ERC1: variants seen among roughly 807,000 people sequenced by gnomAD.
ERC1 encodes the protein RAB6 interacting protein 2.
In ERC1, 56 loss-of-function variants were observed where a neutral mutation model predicts 132.0. The observed-to-expected ratio is 0.42, with a 90% CI of 0.34 to 0.53. The LOEUF is 0.53. Among genes scored for constraint, ERC1 ranks in the 20% least tolerant of loss-of-function variants. ERC1 has a pLI of 0.03. For synonymous variants in ERC1, 478 were observed against 476.1 expected, an observed-to-expected ratio of 1.00 and a Z score of -0.05; for missense variants, 1,202 against 1,349.9, an observed-to-expected ratio of 0.89 and a Z score of 1.72.
At chr12:1,256,653 T>G (rs2076839307) in intron 13 of ERC1, among the ~76,000 whole-genome samples, 1 of 150,922 alleles carries the variant, frequency 6.6e-6, no homozygotes, top group Non-Finnish European at 1.5e-5. Context: ...AATATTTTAT[T>G]AGAGTTCAAA....
intron 12 of ERC1, among the ~76,000 whole-genome samples, chr12:1,223,025 A>G (rs1160932213): frequency 6.6e-6 from 1 of 152,194 alleles, no homozygotes; most frequent in Non-Finnish European, 1.5e-5. Flanking sequence ...GGGTATGATT[A>G]GTTTCCTTTT....
At chr12:1,407,543 TA>T (rs1310122902) in intron 16 of ERC1, among the ~76,000 whole-genome samples, 3 of 148,738 alleles carry the variant, frequency 2.0e-5, no homozygotes, top group Admixed American at 2.0e-4. Context: ...TTTATTTTTT[TA>T]AAAAGACAGT....
At chr12:1,149,767 A>G (rs568218591) in intron 8 of ERC1, among the ~76,000 whole-genome samples, 1 of 152,304 alleles carries the variant, frequency 6.6e-6, no homozygotes, top group South Asian at 2.1e-4. Context: ...AGACAAATAC[A>G]TAGATATTGA....
chr12:1,461,388 C>G (rs1020415087), intron 18 of ERC1, among the ~76,000 whole-genome samples: 2 of 152,156 alleles, frequency 1.3e-5, no homozygotes, highest in Non-Finnish European at 2.9e-5. Flanking sequence ...GAACTTTGAG[C>G]CGGGCACAGT....
chr12:1,472,094 G>C (rs571744593), intron 18 of ERC1, among the ~76,000 whole-genome samples: 1 of 152,272 alleles, frequency 6.6e-6, no homozygotes, highest in Admixed American at 6.5e-5. Flanking sequence ...AGCATTTGTA[G>C]GTCTCGTTGT....
At chr12:1,203,034 G>A (rs1178296168) in intron 12 of ERC1, among the ~76,000 whole-genome samples, 1 of 152,150 alleles carries the variant, frequency 6.6e-6, no homozygotes, top group East Asian at 1.9e-4. Context: ...GATAAATTAT[G>A]CCCAGGTGAG....
chr12:1,362,394 C>T (rs1000584537), intron 15 of ERC1, among the ~76,000 whole-genome samples: 1 of 152,110 alleles, frequency 6.6e-6, no homozygotes, highest in Admixed American at 6.5e-5. Context: ...CTTCTTAGTC[C>T]AGCAGTGGCT....
chr12:1,218,463 T>A (rs1407240450), intron 12 of ERC1, among the ~76,000 whole-genome samples: 2 of 152,166 alleles, frequency 1.3e-5, no homozygotes, highest in Non-Finnish European at 1.5e-5. Flanking sequence ...TCTCTTCCCT[T>A]CTCAGCAAAT....
intron 2 of ERC1, among the ~76,000 whole-genome samples, chr12:1,079,712 C>T (rs373525742): frequency 7.7e-6 from 1 of 129,316 alleles, no homozygotes; most frequent in East Asian, 2.1e-4. Context: ...TGACAAAAGT[C>T]GATATACAGA....
intron 13 of ERC1, among the ~76,000 whole-genome samples, chr12:1,260,354 GA>G (rs2077065615): frequency 6.6e-6 from 1 of 152,146 alleles, no homozygotes; most frequent in Non-Finnish European, 1.5e-5. Context: ...AAGTTTTCAA[GA>G]TGTTTTCTTT....
At chr12:1,108,711 CTGAT>C (rs1270934000) in intron 4 of ERC1, among the ~76,000 whole-genome samples, 1 of 152,108 alleles carries the variant, frequency 6.6e-6, no homozygotes. Context: ...TAGAATGACT[CTGAT>C]TGTATTAATT....
At position 1,365,661 on chromosome 12, in the gene ERC1, T is replaced by C. The variant is rs1426166479; in HGVS notation, c.2781-6172T>C. On this transcript the variant is annotated intron_variant, in intron 15 of 18. Transcript: ENST00000360905. ...AGAGTAACTGCAGCCCTAAATAAAATAAAACAAGAAAGCTTAAGCAGTTTA... is the reference window on the plus strand; with the variant it reads ...AGAGTAACTGCAGCCCTAAATAAAACAAAACAAGAAAGCTTAAGCAGTTTA... Among the ~76,000 whole-genome samples, 15 of 152,218 alleles carry C rather than the reference T, an allele frequency of 9.9e-5. No individual in the cohort carries two copies. In the East Asian group the frequency reaches 2.9e-3, roughly 29 times the overall value.
chr12:1,334,524 G>T (rs2083145945), intron 15 of ERC1, among the ~76,000 whole-genome samples: 1 of 152,164 alleles, frequency 6.6e-6, no homozygotes, highest in South Asian at 2.1e-4. Flanking sequence ...TGTCAGGTTT[G>T]TTGAAGATCA....
intron 18 of ERC1, among the ~76,000 whole-genome samples, chr12:1,465,337 T>A (rs543311745): frequency 6.6e-6 from 1 of 152,172 alleles, no homozygotes; most frequent in Admixed American, 6.5e-5. Context: ...ACAGTTTTCT[T>A]CCAAACTTTT....
chr12:1,462,035 C>G (rs2093655333), intron 18 of ERC1, among the ~76,000 whole-genome samples: 1 of 152,108 alleles, frequency 6.6e-6, no homozygotes, highest in Admixed American at 6.6e-5. Context: ...CTATTAGATA[C>G]TTAAAACAAC....
intron 18 of ERC1, among the ~76,000 whole-genome samples, chr12:1,485,063 G>A (rs111873593): frequency 0.044 from 6,359 of 144,666 alleles, 438 homozygotes; most frequent in African/African-American, 0.15. Context: ...TTTTGTTTTA[G>A]TTTTTTGTAG....
chr12:1,154,475 G>C (rs1198819418), intron 8 of ERC1, among the ~76,000 whole-genome samples: 1 of 151,766 alleles, frequency 6.6e-6, no homozygotes, highest in Non-Finnish European at 1.5e-5. Flanking sequence ...AGATAACACA[G>C]GGAAAACTCC....
At chr12:1,084,537 T>C (rs1269512922) in intron 3 of ERC1, among the ~76,000 whole-genome samples, 1 of 152,204 alleles carries the variant, frequency 6.6e-6, no homozygotes, top group Non-Finnish European at 1.5e-5. Context: ...AGAACATCAT[T>C]GTTTTTTAAA....
At chr12:1,266,376 T>C (rs1471753808) in intron 14 of ERC1, among the ~76,000 whole-genome samples, 2 of 150,574 alleles carry the variant, frequency 1.3e-5, no homozygotes, top group Non-Finnish European at 3.0e-5. Flanking sequence ...TATTATTATT[T>C]TTATCGTTTC....
Sources: gnomAD v4.1 joint callset for allele counts (sites outside exome capture counted in the v4.1 genomes callset) on GRCh38, gnomAD v4.1.1 for gene constraint, MANE v1.5 for transcripts, NCBI Gene and HGNC (gene_info 2026-07-23, HGNC 2026-07-21) for gene names.